Variants in KCNMB2 observed in about 807,000 individuals in gnomAD.
KCNMB2 encodes the protein calcium-activated potassium channel subunit beta-2.
In KCNMB2, 9 loss-of-function variants were observed where a neutral mutation model predicts 24.5. The observed-to-expected ratio is 0.37, with a 90% CI of 0.22 to 0.64. KCNMB2 has a LOEUF of 0.64. Ranked by LOEUF, KCNMB2 falls within the 30% of genes least tolerant of loss-of-function variation. The probability of loss-of-function intolerance (pLI) is 0.63; values close to 1 mark genes in which losing one functional copy is unlikely to be tolerated. For missense variants in KCNMB2, 226 were observed against 284.3 expected (o/e 0.79, Z 1.47); for synonymous variants, 109 against 104.4 (o/e 1.04, Z -0.27).
At chr3:178,692,859 T>C (rs4535205) in intron 1 of KCNMB2, among the ~76,000 whole-genome samples, 49,818 of 152,132 alleles carry the variant, frequency 0.33, 8,887 homozygotes, top group African/African-American at 0.47. Flanking sequence ...ATTTTAATGA[T>C]ATTGATTATT....
chr3:178,750,201 T>TA (rs909501655), intron 1 of KCNMB2, among the ~76,000 whole-genome samples: 1 of 147,008 alleles, frequency 6.8e-6, no homozygotes, highest in African/African-American at 2.6e-5. Flanking sequence ...ATGATCTTAT[T>TA]AGTCAATAAC....
Position 178,731,899 on chromosome 3 carries a change from G to A in KCNMB2, c.-67-75444G>A, listed in dbSNP as rs541595484. Among the ~76,000 whole-genome samples the A allele has an allele frequency of 2.6e-4, 39 of 152,268 alleles. 1 individual carries two copies. Among genetic ancestry groups the A allele is most frequent in the Admixed American group, 2.3e-3 (35 of 15,296 alleles). On this transcript the variant is annotated intron_variant, in intron 1 of 4. Coordinates refer to ENST00000452583, the MANE Select transcript of KCNMB2 (RefSeq NM_181361.3). ...GCTTGGGCAACAAGAGCGAAACTCCGTCTCAAAATTAAAATCTGAATCTGA... is the reference window on the plus strand; with the variant it reads ...GCTTGGGCAACAAGAGCGAAACTCCATCTCAAAATTAAAATCTGAATCTGA...
At chr3:178,759,316 G>GATATATATATCTCTCCAAGAGGAT (rs1711572728) in intron 1 of KCNMB2, among the ~76,000 whole-genome samples, 1 of 57,886 alleles carries the variant, frequency 1.7e-5, no homozygotes, top group African/African-American at 6.7e-5. Context: ...TCTCCAAGAG[G>GATATATATATCTCTCCAAGAGGAT]ATATATATAT....
intron 1 of KCNMB2, among the ~76,000 whole-genome samples, chr3:178,562,976 T>G (rs1716378595): frequency 6.6e-6 from 1 of 152,220 alleles, no homozygotes; most frequent in South Asian, 2.1e-4. Context: ...ATAGATATTG[T>G]GTCAAGCAAA....
chr3:178,772,519 G>A (rs1034235837), intron 1 of KCNMB2, among the ~76,000 whole-genome samples: 2 of 152,164 alleles, frequency 1.3e-5, no homozygotes, highest in South Asian at 2.1e-4. Context: ...CATGTGAGAC[G>A]TGTCTTTCAC....
chr3:178,766,519 T>C (rs991572286), intron 1 of KCNMB2, among the ~76,000 whole-genome samples: 13 of 152,174 alleles, frequency 8.5e-5, no homozygotes, highest in African/African-American at 3.1e-4. Flanking sequence ...TACATGTGAT[T>C]TGGCAGTTAA....
intron 1 of KCNMB2, among the ~76,000 whole-genome samples, chr3:178,571,394 A>G (rs1050736607): frequency 6.8e-6 from 1 of 146,852 alleles, no homozygotes; most frequent in African/African-American, 2.5e-5. Context: ...TAAATAAAAT[A>G]GAAGGAATAT....
At chr3:178,734,449 G>A (rs949716561) in intron 1 of KCNMB2, among the ~76,000 whole-genome samples, 1 of 152,272 alleles carries the variant, frequency 6.6e-6, no homozygotes, top group Middle Eastern at 3.4e-3. Context: ...TCAGCCATCT[G>A]GTCCACTGAT....
At chr3:178,774,707 C>A (rs1431708260) in intron 1 of KCNMB2, among the ~76,000 whole-genome samples, 2 of 152,236 alleles carry the variant, frequency 1.3e-5, no homozygotes, top group Non-Finnish European at 2.9e-5. Flanking sequence ...AACACTTCTA[C>A]TTCCTTGTTC....
rs562412443 is a variant in KCNMB2 at position 178,800,573 on chromosome 3, T to C, written c.-67-6770T>C. ...GAGAAAAGGGAACTCTTGTACACTG[T>C]TGGTGGGAATGTAAATTAGTACAAC... On this transcript the variant is annotated intron_variant, in intron 1 of 4. Coordinates refer to ENST00000452583, the MANE Select transcript of KCNMB2 (RefSeq NM_181361.3). Among the ~76,000 whole-genome samples the C allele has an allele frequency of 6.6e-5, 10 of 152,328 alleles. No homozygotes were observed. In the South Asian group the frequency reaches 2.1e-3, roughly 32 times the overall value.
At chr3:178,699,694 A>G (rs969305577) in intron 1 of KCNMB2, among the ~76,000 whole-genome samples, 1 of 152,204 alleles carries the variant, frequency 6.6e-6, no homozygotes, top group Non-Finnish European at 1.5e-5. Context: ...ATCAGAACTG[A>G]CAATTCCCCT....
intron 1 of KCNMB2, among the ~76,000 whole-genome samples, chr3:178,644,222 C>T (rs9836005): frequency 0.24 from 36,996 of 152,172 alleles, 4,737 homozygotes; most frequent in Middle Eastern, 0.46. Flanking sequence ...AGGAGAAACT[C>T]TCTAGATAGA....
intron 1 of KCNMB2, among the ~76,000 whole-genome samples, chr3:178,760,045 T>TATATCTATATATATATATATAG (rs1491196652): frequency 2.7e-5 from 1 of 37,692 alleles, no homozygotes; most frequent in Non-Finnish European, 4.4e-5. Flanking sequence ...TATATATATA[T>TATATCTATATATATATATATAG]CCAAGAGGAT....
intron 1 of KCNMB2, among the ~76,000 whole-genome samples, chr3:178,763,390 C>T (rs1711990871): frequency 6.6e-6 from 1 of 151,838 alleles, no homozygotes; most frequent in African/African-American, 2.4e-5. Flanking sequence ...GAAAATGAGG[C>T]AAAGGAGTTA....
chr3:178,754,488 G>A (rs1218215826), intron 1 of KCNMB2, among the ~76,000 whole-genome samples: 1 of 151,958 alleles, frequency 6.6e-6, no homozygotes, highest in African/African-American at 2.4e-5. Flanking sequence ...TATTTATTAT[G>A]TGTCCAAAGA....
chr3:178,734,540 G>A (rs567284575), intron 1 of KCNMB2, among the ~76,000 whole-genome samples: 1 of 152,300 alleles, frequency 6.6e-6, no homozygotes, highest in Non-Finnish European at 1.5e-5. Context: ...TGCACAGCTT[G>A]TCTCTGCTTG....
At chr3:178,638,401 C>A (rs576312990) in intron 1 of KCNMB2, among the ~76,000 whole-genome samples, 7 of 151,964 alleles carry the variant, frequency 4.6e-5, no homozygotes, top group African/African-American at 9.7e-5. Context: ...GTTTTTATTC[C>A]CCTCTAGATT....
In KCNMB2 at chr3:178,797,620, A is replaced by G. The variant is rs552091341; in HGVS notation, c.-67-9723A>G. On this transcript the variant is annotated intron_variant, in intron 1 of 4. Coordinates refer to ENST00000452583, the MANE Select transcript of KCNMB2 (RefSeq NM_181361.3). ...CATCGTATAAACAGAATGAAGGACA[A>G]AAACCATATGATCATTTCGACTGAT... Among the ~76,000 whole-genome samples, 30 of 152,354 alleles carry G rather than the reference A, an allele frequency of 2.0e-4. 1 individual carries two copies. In the South Asian group the frequency reaches 6.0e-3, roughly 30 times the overall value.
At chr3:178,649,158 T>A (rs1361054207) in intron 1 of KCNMB2, among the ~76,000 whole-genome samples, 1 of 152,180 alleles carries the variant, frequency 6.6e-6, no homozygotes, top group Non-Finnish European at 1.5e-5. Flanking sequence ...TTTTTCATCT[T>A]CTGATAATTT....
Sources: allele counts gnomAD v4.1 joint callset (sites outside exome capture counted in the v4.1 genomes callset), GRCh38; gene constraint gnomAD v4.1.1; transcripts MANE v1.5; gene names NCBI Gene and HGNC (gene_info 2026-07-23, HGNC 2026-07-21).